Variants in FRMD7 observed in about 807,000 individuals in gnomAD.
FRMD7 encodes the protein FERM domain containing 7.
In FRMD7, 14 loss-of-function variants were observed where a neutral mutation model predicts 44.1. The ratio of observed to expected loss-of-function variants is 0.32; its 90% CI spans 0.21 to 0.50. The LOEUF is 0.50. Among genes scored for constraint, FRMD7 ranks in the 20% least tolerant of loss-of-function variants. FRMD7 has a pLI of 0.99. For missense variants in FRMD7, 501 were observed against 522.3 expected, an observed-to-expected ratio of 0.96 and a Z score of 0.40; for synonymous variants, 212 against 187.4, an observed-to-expected ratio of 1.13 and a Z score of -1.07.
intron 1 of FRMD7, among the ~76,000 whole-genome samples, chrX:132,105,637 G>T (rs1569346361): frequency 8.9e-6 from 1 of 111,940 alleles, no homozygotes; most frequent in Non-Finnish European, 1.9e-5. Flanking sequence ...AACCAAAACA[G>T]CAGGGTACTG....
At chrX:132,099,402 G>C in intron 3 of FRMD7, 66 bp downstream of exon 3, 1 of 884,601 alleles carries the variant, frequency 1.1e-6, no homozygotes, top group Non-Finnish European at 1.7e-6. Flanking sequence ...AATTGTGTGA[G>C]GTTGTTGAAA....
At chrX:132,095,198 G>A (rs1055201733) in intron 4 of FRMD7, among the ~76,000 whole-genome samples, 2 of 108,577 alleles carry the variant, frequency 1.8e-5, no homozygotes, top group Admixed American at 1.0e-4. Flanking sequence ...GGGTTCAAGC[G>A]ATCCTCCTGC....
At position 132,128,002 on chromosome X, in the gene FRMD7, T is replaced by C; in HGVS notation, c.-158A>G. On this transcript the variant is annotated 5_prime_UTR_variant, in exon 1 of 12. Transcript: ENST00000298542. ...GCACACTTCCGTTTGCTTGAAGTAA[T>C]GCACACCCAAGGGCATTTGTGCTGC... 2 of 516,595 alleles carry C rather than the reference T, an allele frequency of 3.9e-6. No individual in the cohort carries two copies. Among genetic ancestry groups the C allele is most frequent in the Non-Finnish European group, 7.0e-6 (2 of 284,014 alleles). 42.6% of individuals were successfully genotyped at this position (516,595 alleles called of 1,213,427 possible).
chrX:132,079,982 A>T (rs1320746130), intron 11 of FRMD7, 24 bp downstream of exon 11: 7 of 1,017,603 alleles, frequency 6.9e-6, no homozygotes, highest in Non-Finnish European at 9.7e-6. Flanking sequence ...TATCTAAAGA[A>T]GTAGAAATTT....
rs1928269146 is a variant in FRMD7, at chrX:132,094,383, C to T, written c.285-244G>A. The T allele has an allele frequency of 1.4e-5, 5 of 366,697 alleles. No individual in the cohort carries two copies. In the Admixed American group the frequency reaches 2.2e-4, roughly 16 times the overall value. 30.2% of individuals were successfully genotyped at this position (366,697 alleles called of 1,213,427 possible). A position where few individuals can be genotyped will look rare whatever the true frequency, so the allele number is the denominator to read the frequency against. Reference sequence around the variant, plus strand: ...CATTAGGAATCACCCTGGCCAAATCCTCCTGCCAAATTGAGAAAGTTGGCC... The same window carrying T: ...CATTAGGAATCACCCTGGCCAAATCTTCCTGCCAAATTGAGAAAGTTGGCC... On this transcript the variant is annotated intron_variant, in intron 4 of 11. Coordinates refer to ENST00000298542, the MANE Select transcript of FRMD7 (RefSeq NM_194277.3).
chrX:132,106,737 C>T (rs1331756713), intron 1 of FRMD7, among the ~76,000 whole-genome samples: 7 of 111,699 alleles, frequency 6.3e-5, no homozygotes, highest in African/African-American at 9.8e-5. Flanking sequence ...TGGATGGAGC[C>T]GGAGGCCATT....
intron 8 of FRMD7, among the ~76,000 whole-genome samples, chrX:132,083,843 G>T (rs747067826): frequency 9.0e-6 from 1 of 111,469 alleles, no homozygotes; most frequent in South Asian, 3.8e-4. Flanking sequence ...CATGCCTGTA[G>T]TCCTAGCTAC....
rs751171946 is a variant in FRMD7, at chrX:132,080,182, A to G, written c.974+16T>C. 28 of 1,181,606 alleles carry G rather than the reference A, an allele frequency of 2.4e-5. No individual in the cohort carries two copies. The African/African-American group carries it at 4.6e-4, about 19-fold the overall frequency. On this transcript the variant is annotated intron_variant, in intron 10 of 11. Coordinates refer to ENST00000298542, the MANE Select transcript of FRMD7 (RefSeq NM_194277.3). ...AACATAAAATCAACACGAGCAAGAGAAACAAAATCATGTACCTTTCAAATG... is the reference window on the plus strand; with the variant it reads ...AACATAAAATCAACACGAGCAAGAGGAACAAAATCATGTACCTTTCAAATG...
intron 4 of FRMD7, among the ~76,000 whole-genome samples, chrX:132,095,432 A>G (rs1487864823): frequency 9.0e-6 from 1 of 111,498 alleles, no homozygotes; most frequent in Non-Finnish European, 1.9e-5. Context: ...ACTGAGTACT[A>G]TGAGCATTTC....
chrX:132,127,050 G>A (rs2747023), intron 1 of FRMD7, among the ~76,000 whole-genome samples: 46,330 of 111,282 alleles, frequency 0.42, 8,835 homozygotes, highest in African/African-American at 0.75. Context: ...GTAAATATCA[G>A]AGCAAATAGC....
At chrX:132,118,063 G>A (rs1245791863) in intron 1 of FRMD7, among the ~76,000 whole-genome samples, 3 of 111,361 alleles carry the variant, frequency 2.7e-5, no homozygotes, top group East Asian at 2.8e-4. Flanking sequence ...GGAAGGAATC[G>A]TGGCAGTGGT....
At chrX:132,121,554 A>C (rs982450521) in intron 1 of FRMD7, among the ~76,000 whole-genome samples, 2 of 108,327 alleles carry the variant, frequency 1.8e-5, no homozygotes, top group East Asian at 5.7e-4. Flanking sequence ...CTTTGTTAGG[A>C]CCCTATGGAG....
chrX:132,118,601 TC>T (rs1245861374), intron 1 of FRMD7, among the ~76,000 whole-genome samples: 1 of 111,010 alleles, frequency 9.0e-6, no homozygotes, highest in Non-Finnish European at 1.9e-5. Flanking sequence ...CTGGGCAGGT[TC>T]CCCCATCTGC....
At chrX:132,084,422 T>C in intron 8 of FRMD7, 68 bp downstream of exon 8, 1 of 652,069 alleles carries the variant, frequency 1.5e-6, no homozygotes, top group South Asian at 2.2e-5. Flanking sequence ...ATTCAAACGA[T>C]TTGCAGAAAC....
chrX:132,118,693 C>A (rs1441944457), intron 1 of FRMD7, among the ~76,000 whole-genome samples: 1 of 111,898 alleles, frequency 8.9e-6, no homozygotes, highest in Non-Finnish European at 1.9e-5. Context: ...GGGCATTTAG[C>A]TGTCTCATCA....
chrX:132,079,904 C>G (rs1765215510), intron 11 of FRMD7, 102 bp downstream of exon 11: 1 of 636,101 alleles, frequency 1.6e-6, no homozygotes, highest in Admixed American at 2.2e-5. Context: ...ACAGAGTAAC[C>G]TTTTTACACA....
intron 1 of FRMD7, among the ~76,000 whole-genome samples, chrX:132,114,875 C>T (rs191813310): frequency 1.8e-5 from 2 of 112,471 alleles, no homozygotes; most frequent in Non-Finnish European, 3.8e-5. Flanking sequence ...TCTTTTTCTA[C>T]CCACACATCT....
At chrX:132,100,475 A>G in intron 2 of FRMD7, 137 bp downstream of exon 2, 2 of 510,810 alleles carry the variant, frequency 3.9e-6, no homozygotes, top group Admixed American at 5.6e-5. Flanking sequence ...AAAACTAGTT[A>G]TTAAATCTAA....
intron 1 of FRMD7, among the ~76,000 whole-genome samples, chrX:132,127,364 C>G (rs766557442): frequency 3.7e-4 from 41 of 111,960 alleles, no homozygotes; most frequent in Non-Finnish European, 6.0e-4. Flanking sequence ...CCCCTTATAA[C>G]CCATAGGTTT....
Sources: allele counts gnomAD v4.1 joint callset (sites outside exome capture counted in the v4.1 genomes callset), GRCh38; gene constraint gnomAD v4.1.1; transcripts MANE v1.5; gene names NCBI Gene and HGNC (gene_info 2026-07-23, HGNC 2026-07-21).